EXD3: variants seen among roughly 807,000 people sequenced by gnomAD.
The protein encoded by EXD3 is exonuclease mut-7 homolog.
In EXD3, 92 loss-of-function variants were observed where a neutral mutation model predicts 98.0. The observed-to-expected ratio is 0.94, with a 90% CI of 0.79 to 1.12. The LOEUF (loss-of-function observed/expected upper bound fraction) is 1.12, where lower values mean the gene tolerates loss of function less well. Ranked by LOEUF, EXD3 falls within the 50% of genes most tolerant of loss-of-function variation. The pLI is 0.00. For synonymous variants in EXD3, 569 were observed against 526.0 expected, an observed-to-expected ratio of 1.08 and a Z score of -1.12; for missense variants, 1,222 against 1,191.6, an observed-to-expected ratio of 1.03 and a Z score of -0.38.
At chr9:137,364,909 C>T (rs1210704898) in intron 7 of EXD3, among the ~76,000 whole-genome samples, 2 of 151,472 alleles carry the variant, frequency 1.3e-5, no homozygotes, top group East Asian at 2.0e-4. Context: ...GCTGGGACTA[C>T]AGGCGCCTGC....
chr9:137,411,750 T>G (rs1401458018), intron 1 of EXD3, among the ~76,000 whole-genome samples: 1,350 of 33,020 alleles, frequency 0.041, no homozygotes, highest in Admixed American at 0.043. Context: ...GGTGGGGGAG[T>G]GGGAGGGAGT....
intron 19 of EXD3, among the ~76,000 whole-genome samples, chr9:137,317,667 T>G (rs1831760925): frequency 1.3e-5 from 2 of 151,982 alleles, no homozygotes; most frequent in Non-Finnish European, 2.9e-5. Flanking sequence ...GTGGGTGGCC[T>G]CCTGGGGGAA....
In EXD3 at chr9:137,349,872, G is replaced by C. The variant is rs1341236382; in HGVS notation, c.1495-341C>G. On this transcript the variant is annotated intron_variant, in intron 14 of 21. Transcript: ENST00000340951. This position sits in a 1 kb window ranked among gnomAD's most constrained non-coding sequence, Gnocchi z 7.4. The stretch of plus-strand genomic sequence containing the variant: ...TTTTATCTTCAGAAGAGGAGCACTG[G>C]GTGTGCCGTGCATAAAACAGCAGAA... Among the ~76,000 whole-genome samples, 4 of 152,072 alleles carry C rather than the reference G, an allele frequency of 2.6e-5. No homozygotes were observed.
chr9:137,351,201 C>T lies in EXD3; in HGVS notation c.1385-54G>A, dbSNP rs1834281148. 53 of 1,534,768 alleles carry T rather than the reference C, an allele frequency of 3.5e-5. No individual in the cohort carries two copies. The East Asian group carries it at 1.2e-3, about 35-fold the overall frequency. On this transcript the variant is annotated intron_variant, in intron 13 of 21. Coordinates refer to ENST00000340951, the MANE Select transcript of EXD3 (RefSeq NM_017820.5). ...CGCCTGCAGGCAGGGACCGCACTGT[C>T]CCCTGACCCCAGGGTGCACCCAGCA...
intron 19 of EXD3, among the ~76,000 whole-genome samples, chr9:137,319,200 G>T (rs925079540): frequency 6.6e-6 from 1 of 152,346 alleles, no homozygotes; most frequent in East Asian, 1.9e-4. Context: ...TGAGCGTGCC[G>T]CTCTCTGCTG....
At chr9:137,387,885 A>C (rs989251346) in intron 2 of EXD3, among the ~76,000 whole-genome samples, 1 of 152,186 alleles carries the variant, frequency 6.6e-6, no homozygotes, top group Non-Finnish European at 1.5e-5. Context: ...CCCAGGCCCA[A>C]GTTCCCTGAA....
chr9:137,349,680 G>T lies in EXD3; in HGVS notation c.1495-149C>A. 1 of 879,930 alleles carries T rather than the reference G, an allele frequency of 1.1e-6. No homozygotes were observed. The highest frequency in any genetic ancestry group is 1.6e-6 in the Non-Finnish European group (1 of 612,146). 54.5% of individuals were successfully genotyped at this position (879,930 alleles called of 1,614,324 possible). On this transcript the variant is annotated intron_variant, in intron 14 of 21. Coordinates refer to ENST00000340951, the MANE Select transcript of EXD3 (RefSeq NM_017820.5). The surrounding 1 kb of genome is among the most constrained non-coding windows in gnomAD (Gnocchi z 7.4). Reference sequence around the variant, plus strand: ...CACAGCAGAGACGGGGAGAAGGAGCGGACACATCCGAGGAGAGGCTCCACG... The same window carrying T: ...CACAGCAGAGACGGGGAGAAGGAGCTGACACATCCGAGGAGAGGCTCCACG...
chr9:137,396,124 C>T (rs1454852134), intron 1 of EXD3, among the ~76,000 whole-genome samples: 8 of 152,114 alleles, frequency 5.3e-5, no homozygotes, highest in Non-Finnish European at 7.4e-5. Flanking sequence ...TGCGCCATCA[C>T]GCCTGGCTAA....
At chr9:137,363,970 C>T (rs1009513641) in intron 7 of EXD3, among the ~76,000 whole-genome samples, 7 of 152,072 alleles carry the variant, frequency 4.6e-5, no homozygotes, top group Admixed American at 3.9e-4. Flanking sequence ...CTCTTTCTTT[C>T]TTAGCATCCC....
chr9:137,413,909 T>C (rs532362819), intron 1 of EXD3, among the ~76,000 whole-genome samples: 1 of 148,726 alleles, frequency 6.7e-6, no homozygotes, highest in South Asian at 2.1e-4. Context: ...GGTTCTGTTG[T>C]TTTTTTTTTC....
intron 2 of EXD3, among the ~76,000 whole-genome samples, chr9:137,389,392 C>T (rs757814493): frequency 3.3e-5 from 5 of 152,224 alleles, no homozygotes; most frequent in Admixed American, 6.5e-5. Context: ...CGTCTCTCAT[C>T]GGTCATGGGT....
At chr9:137,367,639 G>A (rs1247145716) in intron 6 of EXD3, 2 of 366,418 alleles carry the variant, frequency 5.5e-6, no homozygotes, top group Non-Finnish European at 1.0e-5. Context: ...GTGTCCTCGA[G>A]GCAGCTGGTG....
intron 7 of EXD3, among the ~76,000 whole-genome samples, chr9:137,358,195 C>G (rs1007262130): frequency 1.3e-5 from 2 of 152,226 alleles, no homozygotes; most frequent in Non-Finnish European, 2.9e-5. Context: ...CCCCACAGCC[C>G]TAACTGCTCC....
chr9:137,315,946 G>C (rs1831626451), intron 19 of EXD3, among the ~76,000 whole-genome samples: 1 of 150,984 alleles, frequency 6.6e-6, no homozygotes, highest in South Asian at 2.1e-4. Context: ...CCCCATCCCA[G>C]GGGATGGCAG....
chr9:137,396,990 A>C (rs1290833243), intron 1 of EXD3, among the ~76,000 whole-genome samples: 1 of 152,186 alleles, frequency 6.6e-6, no homozygotes, highest in Non-Finnish European at 1.5e-5. Flanking sequence ...CCACTGGGGG[A>C]CACACACCTG....
chr9:137,413,715 C>G (rs1313906226), intron 1 of EXD3, among the ~76,000 whole-genome samples: 1 of 151,682 alleles, frequency 6.6e-6, no homozygotes, highest in African/African-American at 2.4e-5. Context: ...TTTGGCCAGG[C>G]TGGTCTTGAA....
chr9:137,390,363 C>T (rs1225644773), intron 2 of EXD3, among the ~76,000 whole-genome samples: 9 of 143,506 alleles, frequency 6.3e-5, no homozygotes, highest in African/African-American at 2.3e-4. Context: ...ACCCGGGAGG[C>T]GGAGGTTGTG....
At chr9:137,380,417 C>T (rs1257664350) in intron 3 of EXD3, among the ~76,000 whole-genome samples, 1 of 74,970 alleles carries the variant, frequency 1.3e-5, no homozygotes, top group Non-Finnish European at 2.8e-5. Context: ...CCCCTCCAGG[C>T]GTCCCCCCCA....
chr9:137,307,016 C>T lies in EXD3; in HGVS notation c.2565G>A (p.Met855Ile), dbSNP rs1238678565. ...CGCAGGGGCTGGGGGCGCTCTCCAG[C>T]ATGTCTCGGAAGTGGGTGGCAACAC... The part of the protein sequence containing the change: ...LGRVATHFRD[M>I]LESAPSPCEP... The change falls in exon 22 of 22, where the codon ATG becomes ATA. Residue 855 changes from methionine to isoleucine, a missense_variant. Met to Ile is a conservative substitution (Grantham distance 10, BLOSUM62 1). Coordinates refer to ENST00000340951, the MANE Select transcript of EXD3 (RefSeq NM_017820.5). 6.2e-7 allele frequency: 1 copy of T among 1,611,850 alleles called. No individual in the cohort carries two copies. Among genetic ancestry groups the T allele is most frequent in the African/African-American group, 1.3e-5 (1 of 74,880 alleles).
Sources: allele counts gnomAD v4.1 joint callset (sites outside exome capture counted in the v4.1 genomes callset), GRCh38; gene constraint gnomAD v4.1.1; non-coding constraint Gnocchi (gnomAD v3.1); transcripts MANE v1.5; gene names NCBI Gene and HGNC (gene_info 2026-07-23, HGNC 2026-07-21).